The following LEPR variants were observed in gnomAD, a reference collection of about 807,000 sequenced individuals.
The protein encoded by LEPR is leptin receptor.
LEPR carries 56 observed loss-of-function variants against 114.7 expected under a neutral mutation model. That is an observed-to-expected ratio of 0.49 (90% CI 0.39 to 0.61). LEPR has a LOEUF of 0.61. Ranked by LOEUF, LEPR falls within the 20% of genes least tolerant of loss-of-function variation. The probability of loss-of-function intolerance (pLI) is 0.00; values close to 1 mark genes in which losing one functional copy is unlikely to be tolerated. For missense variants in LEPR, 1,202 were observed against 1,352.9 expected (o/e 0.89, Z 1.75); for synonymous variants, 443 against 461.4 (o/e 0.96, Z 0.51).
At chr1:65,507,546 T>TATAG (rs1648817217) in intron 2 of LEPR, among the ~76,000 whole-genome samples, 1 of 147,630 alleles carries the variant, frequency 6.8e-6, no homozygotes, top group African/African-American at 2.5e-5. Flanking sequence ...TGTATATATA[T>TATAG]ATATACACAC....
chr1:65,601,293 G>T (rs942363680), intron 8 of LEPR, 99 bp from the exon 9 acceptor site: 1 of 1,408,062 alleles, frequency 7.1e-7, no homozygotes. Context: ...ATTTTTGGCA[G>T]TGTAACTCTG....
chr1:65,521,349 C>T (rs1358210939), intron 2 of LEPR, among the ~76,000 whole-genome samples: 1 of 152,186 alleles, frequency 6.6e-6, no homozygotes, highest in African/African-American at 2.4e-5. Flanking sequence ...AAACAGCCAT[C>T]TGACTCAAAG....
At chr1:65,526,063 G>C (rs1649938065) in intron 2 of LEPR, 1 of 957,774 alleles carries the variant, frequency 1.0e-6, no homozygotes, top group Non-Finnish European at 1.2e-6. Flanking sequence ...CTGGACACAC[G>C]GCTGACAGCA....
chr1:65,459,731 A>G (rs142281283), intron 2 of LEPR, among the ~76,000 whole-genome samples: 256 of 152,344 alleles, frequency 1.7e-3, no homozygotes, highest in African/African-American at 5.4e-3. Context: ...ATATATTCCA[A>G]TTCTTTGCCA....
At chr1:65,593,653 A>G (rs1655855387) in intron 6 of LEPR, among the ~76,000 whole-genome samples, 2 of 152,076 alleles carry the variant, frequency 1.3e-5, no homozygotes, top group South Asian at 4.1e-4. Flanking sequence ...TTTTCCATAC[A>G]ACTCAAGCTT....
chr1:65,573,798 A>G (rs1436571714), intron 5 of LEPR, among the ~76,000 whole-genome samples: 2 of 152,166 alleles, frequency 1.3e-5, no homozygotes, highest in Non-Finnish European at 2.9e-5. Flanking sequence ...TAAAGTTTCA[A>G]TTTGGGAAAA....
intron 11 of LEPR, among the ~76,000 whole-genome samples, chr1:65,607,867 G>C (rs1656914222): frequency 6.6e-6 from 1 of 152,138 alleles, no homozygotes; most frequent in African/African-American, 2.4e-5. Context: ...AAGGTGATAG[G>C]AAAACAGGGA....
At chr1:65,490,566 T>C (rs1647812201) in intron 2 of LEPR, among the ~76,000 whole-genome samples, 1 of 152,148 alleles carries the variant, frequency 6.6e-6, no homozygotes, top group Non-Finnish European at 1.5e-5. Flanking sequence ...CGTTCAATCC[T>C]AGTGGTTTCA....
At chr1:65,496,248 C>G in intron 2 of LEPR, among the ~76,000 whole-genome samples, 1 of 152,144 alleles carries the variant, frequency 6.6e-6, no homozygotes, top group Non-Finnish European at 1.5e-5. Context: ...AGATAATTAT[C>G]TCCTTAAGAG....
At chr1:65,544,206 G>A (rs1035510708) in intron 2 of LEPR, among the ~76,000 whole-genome samples, 6 of 151,942 alleles carry the variant, frequency 3.9e-5, no homozygotes, top group African/African-American at 1.5e-4. Context: ...TGTAGCAATT[G>A]TGAATGGGAG....
At chr1:65,431,196 AT>A (rs1220373618) in intron 2 of LEPR, among the ~76,000 whole-genome samples, 2 of 152,164 alleles carry the variant, frequency 1.3e-5, no homozygotes, top group Non-Finnish European at 2.9e-5. Flanking sequence ...GCTGCAGTAA[AT>A]ATTTATATTT....
intron 2 of LEPR, chr1:65,429,765 A>T (rs1038779629): frequency 1.3e-5 from 14 of 1,104,616 alleles, no homozygotes; most frequent in South Asian, 2.4e-5. Flanking sequence ...TGACCTAAAC[A>T]TTTAAAATAG....
intron 2 of LEPR, chr1:65,432,573 A>T: frequency 1.0e-6 from 1 of 980,570 alleles, no homozygotes; most frequent in Non-Finnish European, 1.2e-6. Flanking sequence ...GTTTAAAAAA[A>T]AAAAAAAAGT....
intron 2 of LEPR, among the ~76,000 whole-genome samples, chr1:65,500,134 T>A (rs1318695557): frequency 6.6e-6 from 1 of 152,048 alleles, no homozygotes; most frequent in Non-Finnish European, 1.5e-5. Flanking sequence ...GCGCCTTGCT[T>A]CCCCTTCACC....
At chr1:65,497,193 C>A (rs1041391142) in intron 2 of LEPR, among the ~76,000 whole-genome samples, 4 of 151,972 alleles carry the variant, frequency 2.6e-5, no homozygotes, top group African/African-American at 9.7e-5. Context: ...TCCTGTCATG[C>A]AAAAGGTAGT....
intron 3 of LEPR, among the ~76,000 whole-genome samples, chr1:65,567,841 C>T (rs1030593845): frequency 4.7e-5 from 6 of 128,892 alleles, no homozygotes; most frequent in African/African-American, 1.5e-4. Context: ...ACATTTATAA[C>T]CCCCCATTAT....
chr1:65,585,443 T>C (rs919818929), intron 5 of LEPR, among the ~76,000 whole-genome samples: 1 of 152,040 alleles, frequency 6.6e-6, no homozygotes, highest in African/African-American at 2.4e-5. Flanking sequence ...CAGAATGTGC[T>C]TTCTTTCTAA....
At chr1:65,634,115 T>A in intron 19 of LEPR, 1 of 985,396 alleles carries the variant, frequency 1.0e-6, no homozygotes, top group Non-Finnish European at 1.2e-6. Flanking sequence ...GACTGCTTGC[T>A]AGTTTTATGA....
intron 2 of LEPR, among the ~76,000 whole-genome samples, chr1:65,426,714 T>C (rs1646379773): frequency 6.6e-6 from 1 of 152,134 alleles, no homozygotes; most frequent in Non-Finnish European, 1.5e-5. Context: ...GATGATGTGA[T>C]TAGGCCAGGC....
Sources: gnomAD v4.1 joint callset for allele counts (sites outside exome capture counted in the v4.1 genomes callset) on GRCh38, gnomAD v4.1.1 for gene constraint, MANE v1.5 for transcripts, NCBI Gene and HGNC (gene_info 2026-07-23, HGNC 2026-07-21) for gene names.